LYN: variants seen among roughly 807,000 people sequenced by gnomAD.
LYN encodes tyrosine-protein kinase Lyn.
LYN carries 12 observed loss-of-function variants against 65.0 expected under a neutral mutation model. The ratio of observed to expected loss-of-function variants is 0.18; its 90% CI spans 0.12 to 0.30. The LOEUF (loss-of-function observed/expected upper bound fraction) is 0.30, where lower values mean the gene tolerates loss of function less well. Among genes scored for constraint, LYN ranks in the 10% least tolerant of loss-of-function variants. The pLI is 1.00. For synonymous variants in LYN, 222 were observed against 221.2 expected (o/e 1.00, Z -0.03); for missense variants, 380 against 623.2 (o/e 0.61, Z 4.16).
intron 10 of LYN, among the ~76,000 whole-genome samples, chr8:55,984,288 C>T (rs1158677908): frequency 6.6e-6 from 1 of 152,190 alleles, no homozygotes; most frequent in Non-Finnish European, 1.5e-5. Context: ...ACTCCGGCCA[C>T]TCCGAAGCTT....
chr8:55,897,757 A>T (rs941308226), intron 1 of LYN, among the ~76,000 whole-genome samples: 7 of 152,052 alleles, frequency 4.6e-5, no homozygotes, highest in South Asian at 4.1e-4. Flanking sequence ...ATAGGAAATT[A>T]AAAAAATTAG....
At chr8:55,880,838 T>C (rs1804634437) in intron 1 of LYN, among the ~76,000 whole-genome samples, 1 of 152,232 alleles carries the variant, frequency 6.6e-6, no homozygotes, top group African/African-American at 2.4e-5. Flanking sequence ...CAGTTCCCAC[T>C]TTCCTGCATT....
intron 1 of LYN, among the ~76,000 whole-genome samples, chr8:55,895,399 A>C (rs1805066492): frequency 6.6e-6 from 1 of 152,170 alleles, no homozygotes. Flanking sequence ...GGTATGGATT[A>C]GTAACACTGT....
intron 11 of LYN, among the ~76,000 whole-genome samples, chr8:55,999,151 C>T (rs986124726): frequency 6.6e-6 from 1 of 152,154 alleles, no homozygotes; most frequent in Admixed American, 6.5e-5. Flanking sequence ...AATATTTTTG[C>T]AGTGCTCACT....
intron 1 of LYN, among the ~76,000 whole-genome samples, chr8:55,934,970 C>G (rs758571056): frequency 7.2e-5 from 11 of 152,196 alleles, no homozygotes; most frequent in Non-Finnish European, 1.6e-4. Flanking sequence ...CAGACAGGAG[C>G]TGACACCTAA....
chr8:55,955,793 G>A (rs1026675554), intron 8 of LYN, among the ~76,000 whole-genome samples: 3 of 152,024 alleles, frequency 2.0e-5, no homozygotes, highest in Non-Finnish European at 2.9e-5. Context: ...TTTGTGTCTG[G>A]CTTATTTCAC....
At chr8:56,007,345 A>T (rs1161544978) in intron 12 of LYN, among the ~76,000 whole-genome samples, 1 of 152,254 alleles carries the variant, frequency 6.6e-6, no homozygotes, top group Non-Finnish European at 1.5e-5. Context: ...AGGCCATATC[A>T]TTTTGTGGAG....
chr8:55,884,492 T>A (rs1804735984), intron 1 of LYN, among the ~76,000 whole-genome samples: 2 of 152,058 alleles, frequency 1.3e-5, no homozygotes, highest in Admixed American at 1.3e-4. Flanking sequence ...AGTTCGCTCT[T>A]GTCACCCAGG....
chr8:55,987,371 C>T (rs1014684695), intron 10 of LYN, among the ~76,000 whole-genome samples: 7 of 150,430 alleles, frequency 4.7e-5, no homozygotes, highest in African/African-American at 1.7e-4. Context: ...TCAGGCACTA[C>T]ACTCCAGCTT....
chr8:55,952,584 CA>C (rs781624002), intron 7 of LYN, among the ~76,000 whole-genome samples: 32 of 152,070 alleles, frequency 2.1e-4, no homozygotes, highest in Non-Finnish European at 4.3e-4. Context: ...AAAATAAAAG[CA>C]ATTAATTAAT....
chr8:55,999,344 A>G (rs1808455828), intron 11 of LYN, 74 bp from the exon 12 acceptor site: 2 of 1,314,410 alleles, frequency 1.5e-6, no homozygotes, highest in Admixed American at 2.0e-5. Context: ...AAAAGAAAGT[A>G]TGGGGTCACA....
Position 55,911,190 on chromosome 8 carries a change from C to CACGTATATATATGCATATATAT in LYN, c.-5-30663_-5-30662insGTATATATATGCATATATATAC. Reference sequence around the variant, plus strand: ...ATATACACGTATATATATATATATACACACACACATATATATATACACGTG... The same window carrying CACGTATATATATGCATATATAT: ...ATATACACGTATATATATATATATACACGTATATATATGCATATATATACACACACATATATATATACACGTG... On this transcript the variant is annotated intron_variant, in intron 1 of 12. Transcript: ENST00000519728. Among the ~76,000 whole-genome samples, 2 of 11,582 alleles carry CACGTATATATATGCATATATAT rather than the reference C, an allele frequency of 1.7e-4. 1 individual carries two copies. The highest frequency in any genetic ancestry group is 3.2e-4 in the African/African-American group (2 of 6,212). The allele number at this position is 11,582 out of a possible 152,430, so 7.6% of individuals were successfully genotyped here. A position where few individuals can be genotyped will look rare whatever the true frequency, so the allele number is the denominator to read the frequency against.
At chr8:55,940,883 A>G (rs1392355534) in intron 1 of LYN, among the ~76,000 whole-genome samples, 1 of 152,160 alleles carries the variant, frequency 6.6e-6, no homozygotes, top group Non-Finnish European at 1.5e-5. Flanking sequence ...CCTTCTTGCC[A>G]TGGTGGCTTT....
At chr8:55,981,557 C>G (rs1187428858) in intron 10 of LYN, among the ~76,000 whole-genome samples, 1 of 152,164 alleles carries the variant, frequency 6.6e-6, no homozygotes, top group Non-Finnish European at 1.5e-5. Context: ...GGTCTCACTA[C>G]ATTGTTTAGG....
At chr8:55,990,989 G>A (rs976909595) in intron 10 of LYN, among the ~76,000 whole-genome samples, 2 of 152,118 alleles carry the variant, frequency 1.3e-5, no homozygotes, top group Non-Finnish European at 2.9e-5. Flanking sequence ...GCCTATTTAA[G>A]GGTGTCTGTG....
chr8:55,955,305 T>G (rs1382525990), intron 8 of LYN: 1 of 152,242 alleles, frequency 6.6e-6, no homozygotes, highest in Non-Finnish European at 1.5e-5. Flanking sequence ...TAAGTCTTTC[T>G]GCACATATTT....
chr8:55,943,527 G>T (rs1806687376), intron 2 of LYN, among the ~76,000 whole-genome samples: 1 of 140,568 alleles, frequency 7.1e-6, no homozygotes, highest in African/African-American at 2.6e-5. Flanking sequence ...AGTGAGCCGA[G>T]ATTGCGCTAC....
intron 10 of LYN, among the ~76,000 whole-genome samples, chr8:55,995,981 G>T (rs912228913): frequency 6.6e-6 from 1 of 152,124 alleles, no homozygotes; most frequent in Admixed American, 6.6e-5. Context: ...TAGTATTCTG[G>T]TCATGTGAAA....
In LYN at chr8:55,910,952, AG is replaced by A. The variant is rs547477641; in HGVS notation, c.-6+30850del. ...CGCTCTGACGCCCAGGCTGGAGTGCAGTGGTGCAGTCTTGGCTCACTGCAAC... is the reference window on the plus strand; with the variant it reads ...CGCTCTGACGCCCAGGCTGGAGTGCATGGTGCAGTCTTGGCTCACTGCAAC... On this transcript the variant is annotated intron_variant, in intron 1 of 12. Transcript: ENST00000519728. Among the ~76,000 whole-genome samples the A allele has an allele frequency of 3.5e-3, 500 of 142,448 alleles. 2 individuals are homozygous for A. Among genetic ancestry groups the A allele is most frequent in the African/African-American group, 0.012 (460 of 38,280 alleles). 93.5% of individuals were successfully genotyped at this position (142,448 alleles called of 152,430 possible).
Sources: gnomAD v4.1 joint callset for allele counts (sites outside exome capture counted in the v4.1 genomes callset) on GRCh38, gnomAD v4.1.1 for gene constraint, MANE v1.5 for transcripts, NCBI Gene and HGNC (gene_info 2026-07-23, HGNC 2026-07-21) for gene names.